Variants in GAD2 observed in about 807,000 individuals in gnomAD.
GAD2 encodes 65 kDa glutamic acid decarboxylase.
In GAD2, 22 loss-of-function variants were observed where a neutral mutation model predicts 80.1. That is an observed-to-expected ratio of 0.27 (90% CI 0.20 to 0.39). GAD2 has a LOEUF of 0.39. Among genes scored for constraint, GAD2 ranks in the 10% least tolerant of loss-of-function variants. The probability of loss-of-function intolerance (pLI) is 1.00; values close to 1 mark genes in which losing one functional copy is unlikely to be tolerated. For synonymous variants in GAD2, 274 were observed against 256.9 expected, an observed-to-expected ratio of 1.07 and a Z score of -0.64; for missense variants, 624 against 738.4, an observed-to-expected ratio of 0.85 and a Z score of 1.80.
At chr10:26,230,574 C>G (rs1414512610) in intron 7 of GAD2, among the ~76,000 whole-genome samples, 1 of 152,064 alleles carries the variant, frequency 6.6e-6, no homozygotes, top group East Asian at 1.9e-4. Flanking sequence ...AGCAGGGACT[C>G]CAGATATGTA....
rs1446142182 is a variant in GAD2 at position 26,303,756 on chromosome 10, A to C, written c.*2795A>C. On this transcript the variant is annotated 3_prime_UTR_variant, in exon 16 of 16. Coordinates refer to ENST00000376261, the MANE Select transcript of GAD2 (RefSeq NM_001134366.2). ...TCATATACTGCCACAGGATGTGAGG[A>C]AAGAAAAGGAAATCAATTCTGACTG... The C allele has an allele frequency of 6.6e-6, 1 of 152,228 alleles. No individual in the cohort carries two copies. The highest frequency in any genetic ancestry group is 2.4e-5 in the African/African-American group (1 of 41,458). 9.4% of individuals were successfully genotyped at this position (152,228 alleles called of 1,614,324 possible). A position where few individuals can be genotyped will look rare whatever the true frequency, so the allele number is the denominator to read the frequency against.
At chr10:26,231,269 C>T (rs1283343312) in intron 7 of GAD2, among the ~76,000 whole-genome samples, 1 of 152,132 alleles carries the variant, frequency 6.6e-6, no homozygotes, top group Non-Finnish European at 1.5e-5. Context: ...AAATGTCACT[C>T]AGGAGACGCA....
intron 13 of GAD2, 61 bp downstream of exon 13, chr10:26,286,555 A>C: frequency 1.4e-6 from 2 of 1,455,362 alleles, no homozygotes; most frequent in Non-Finnish European, 1.8e-6. Context: ...TGGTGACCCC[A>C]TTATGAAATG....
intron 14 of GAD2, 151 bp from the exon 15 acceptor site, chr10:26,292,751 C>A: frequency 1.2e-6 from 1 of 853,838 alleles, no homozygotes; most frequent in Non-Finnish European, 1.9e-6. Context: ...GTCCATATAA[C>A]GTTGTCAAAA....
intron 15 of GAD2, among the ~76,000 whole-genome samples, chr10:26,297,039 C>T (rs778272736): frequency 2.0e-5 from 3 of 151,974 alleles, no homozygotes; most frequent in South Asian, 2.1e-4. Context: ...CTCAGCCTGC[C>T]GAGTAGCTGG....
rs1834360056 is a variant in GAD2 at position 26,304,450 on chromosome 10, C to T, written c.*3489C>T. 1 of 152,604 alleles carries T rather than the reference C, an allele frequency of 6.6e-6. No individual in the cohort carries two copies. The highest frequency in any genetic ancestry group is 2.4e-5 in the African/African-American group (1 of 41,430). 9.5% of individuals were successfully genotyped at this position (152,604 alleles called of 1,614,324 possible). A position where few individuals can be genotyped will look rare whatever the true frequency, so the allele number is the denominator to read the frequency against. On this transcript the variant is annotated 3_prime_UTR_variant, in exon 16 of 16. Coordinates refer to ENST00000376261, the MANE Select transcript of GAD2 (RefSeq NM_001134366.2). ...GAAAAAAATAAAAACATAAAATATA[C>T]AAACATGTGGCAACCTGTTCTTCCT...
At chr10:26,229,266 C>T (rs998746916) in intron 6 of GAD2, among the ~76,000 whole-genome samples, 11 of 150,976 alleles carry the variant, frequency 7.3e-5, no homozygotes, top group Admixed American at 2.0e-4. Context: ...AAATGCAAGG[C>T]ACTGAATGAG....
At chr10:26,235,072 C>G (rs950952520) in intron 7 of GAD2, among the ~76,000 whole-genome samples, 2 of 152,186 alleles carry the variant, frequency 1.3e-5, no homozygotes, top group Non-Finnish European at 2.9e-5. Context: ...CAAGGTTTCA[C>G]TATGTTGGCC....
intron 11 of GAD2, among the ~76,000 whole-genome samples, chr10:26,278,317 C>T (rs574019959): frequency 3.3e-5 from 5 of 152,238 alleles, no homozygotes; most frequent in Non-Finnish European, 5.9e-5. Flanking sequence ...CGTGCATGCA[C>T]GGTGTCACCA....
At chr10:26,295,006 G>C (rs1834257232) in intron 15 of GAD2, among the ~76,000 whole-genome samples, 1 of 152,098 alleles carries the variant, frequency 6.6e-6, no homozygotes, top group Admixed American at 6.5e-5. Context: ...GGACTAGTTT[G>C]GCTGATTTCA....
At chr10:26,234,520 T>C (rs574342349) in intron 7 of GAD2, among the ~76,000 whole-genome samples, 33 of 152,344 alleles carry the variant, frequency 2.2e-4, no homozygotes, top group Admixed American at 1.8e-3. Flanking sequence ...GTGTATTTTA[T>C]TGAATTGAAA....
chr10:26,241,065 G>A (rs1453796997), intron 7 of GAD2, among the ~76,000 whole-genome samples: 1 of 151,494 alleles, frequency 6.6e-6, no homozygotes, highest in African/African-American at 2.4e-5. Context: ...AAAAGAGAGA[G>A]TGAGAGAAAT....
At chr10:26,293,111 C>T (rs1488069676) in intron 15 of GAD2, 120 bp downstream of exon 15, 28 of 713,876 alleles carry the variant, frequency 3.9e-5, no homozygotes, top group Middle Eastern at 2.5e-4. Context: ...GGCCCATTCC[C>T]GTCTGTGGAC....
At chr10:26,274,198 AC>A (rs1845171510) in intron 11 of GAD2, among the ~76,000 whole-genome samples, 1 of 152,224 alleles carries the variant, frequency 6.6e-6, no homozygotes, top group Admixed American at 6.5e-5. Flanking sequence ...TTAAAGTGAA[AC>A]ATACTAGCAA....
intron 7 of GAD2, 73 bp downstream of exon 7, chr10:26,229,850 A>C: frequency 9.0e-7 from 1 of 1,108,830 alleles, no homozygotes; most frequent in Admixed American, 2.0e-5. Flanking sequence ...GATGGCTGGA[A>C]ATGCATTATC....
At position 26,217,189 on chromosome 10, in the gene GAD2, G is replaced by A. The variant is rs1424666401; in HGVS notation, c.76+304G>A. Among the ~76,000 whole-genome samples the A allele has an allele frequency of 1.3e-5, 2 of 151,872 alleles. No homozygotes were observed. Among genetic ancestry groups the A allele is most frequent in the African/African-American group, 4.8e-5 (2 of 41,322 alleles). Reference sequence around the variant, plus strand: ...GTCCTGGGGCGCTGCTAAGATCCGGGTGTCTGGACCCTGGGGTGGGACGGA... The same window carrying A: ...GTCCTGGGGCGCTGCTAAGATCCGGATGTCTGGACCCTGGGGTGGGACGGA... On this transcript the variant is annotated intron_variant, in intron 1 of 15. Transcript: ENST00000376261. The surrounding 1 kb of genome is among the most constrained non-coding windows in gnomAD (Gnocchi z 4.9).
At chr10:26,257,781 A>G (rs1469785497) in intron 8 of GAD2, among the ~76,000 whole-genome samples, 1 of 152,244 alleles carries the variant, frequency 6.6e-6, no homozygotes, top group Non-Finnish European at 1.5e-5. Flanking sequence ...ATTGATTTAA[A>G]CAATTGAAAG....
intron 10 of GAD2, among the ~76,000 whole-genome samples, chr10:26,273,249 C>T (rs562065550): frequency 2.0e-5 from 3 of 152,348 alleles, no homozygotes; most frequent in Admixed American, 2.0e-4. Context: ...AAAGAGTTTT[C>T]CCTGCAACTT....
At chr10:26,218,096 G>A (rs1844404115) in intron 3 of GAD2, 105 bp downstream of exon 3, 1 of 1,251,468 alleles carries the variant, frequency 8.0e-7, no homozygotes, top group South Asian at 1.5e-5. Flanking sequence ...GGGCGTCGAG[G>A]TGGCAGCGGA....
Sources: allele counts gnomAD v4.1 joint callset (sites outside exome capture counted in the v4.1 genomes callset), GRCh38; gene constraint gnomAD v4.1.1; non-coding constraint Gnocchi (gnomAD v3.1); transcripts MANE v1.5; gene names NCBI Gene and HGNC (gene_info 2026-07-23, HGNC 2026-07-21).